TPGS2: variants seen among roughly 807,000 people sequenced by gnomAD.
The protein encoded by TPGS2 is polyglutamylase subunit 2.
Under a neutral mutation model 31.1 loss-of-function variants are expected in TPGS2, and 26 were observed. The ratio of observed to expected loss-of-function variants is 0.84; its 90% CI spans 0.61 to 1.16. The LOEUF (loss-of-function observed/expected upper bound fraction) is 1.16, where lower values mean the gene tolerates loss of function less well. Among genes scored for constraint, TPGS2 ranks in the 50% most tolerant of loss-of-function variants. The pLI is 0.00. For synonymous variants in TPGS2, 130 were observed against 136.6 expected (o/e 0.95, Z 0.34); for missense variants, 351 against 363.8 (o/e 0.96, Z 0.29).
At chr18:36,815,646 CTGTTT>C (rs1423978911) in intron 2 of TPGS2, among the ~76,000 whole-genome samples, 8 of 151,684 alleles carry the variant, frequency 5.3e-5, no homozygotes, top group Non-Finnish European at 1.5e-5. Context: ...ACCTTTTTGA[CTGTTT>C]TGTTTAGCAT....
chr18:36,826,565 A>C (rs565488527), intron 1 of TPGS2, among the ~76,000 whole-genome samples: 1 of 152,300 alleles, frequency 6.6e-6, no homozygotes, highest in African/African-American at 2.4e-5. Context: ...TAGAAACTCC[A>C]GTACAATGTT....
At chr18:36,812,748 G>T (rs1197969153) in intron 2 of TPGS2, among the ~76,000 whole-genome samples, 1 of 152,244 alleles carries the variant, frequency 6.6e-6, no homozygotes, top group African/African-American at 2.4e-5. Flanking sequence ...GGCATTGGAA[G>T]TGAGGGCAGT....
Position 36,828,748 on chromosome 18 carries a change from GA to G in TPGS2, c.19del (p.Ser7ProfsTer14), listed in dbSNP as rs779685788. 3.0e-5 allele frequency: 48 copies of G among 1,613,848 alleles called. No homozygotes were observed. The highest frequency in any genetic ancestry group is 1.8e-4 in the Admixed American group (11 of 60,008). MEEEAS[S>X]PGLGCSKPHL... ...CGGCTTGCTGCAGCCCAGCCCCGGG[GA>G]CGATGCCTCCTCCTCCATGGCTCGC... On this transcript the variant is annotated frameshift_variant, in exon 1 of 7. Transcript: ENST00000334295. LOFTEE classifies it high-confidence loss of function.
Position 36,797,005 on chromosome 18 carries a change from G to A in TPGS2, c.703C>T (p.Leu235Phe). Residue 235 changes from leucine to phenylalanine, a missense_variant, in exon 7 of 7, where the codon CTC becomes TTC. Transcript: ENST00000334295. ...ACAAAGGAGTCGGTCTCTTCTGTGA[G>A]CAGGTTTGTGTTGTAGGTGATAGGT... ...YKPITYNTNL[L>F]TEETDSFVNK... 1.2e-6 allele frequency: 2 copies of A among 1,600,696 alleles called. No individual in the cohort carries two copies. Among genetic ancestry groups the A allele is most frequent in the Non-Finnish European group, 1.7e-6 (2 of 1,176,412 alleles).
chr18:36,820,560 T>C (rs2045852027), intron 1 of TPGS2, among the ~76,000 whole-genome samples: 1 of 152,222 alleles, frequency 6.6e-6, no homozygotes, highest in Admixed American at 6.5e-5. Flanking sequence ...TATAATTCTC[T>C]GTTACAGGAA....
At chr18:36,826,404 CTGTGTGTGTG>C (rs34742069) in intron 1 of TPGS2, among the ~76,000 whole-genome samples, 15 of 146,446 alleles carry the variant, frequency 1.0e-4, no homozygotes, top group South Asian at 6.7e-4. Flanking sequence ...GGTGTATAGG[CTGTGTGTGTG>C]TGTGTGTGTG....
At position 36,795,444 on chromosome 18, in the gene TPGS2, TC is replaced by T. The variant is rs2044484973; in HGVS notation, c.*1360del. Reference sequence around the variant, plus strand: ...TCCTAATTCTCTAACCTCTGGGACTTCAGTACAAAAACTGCAGCCACCCAAA... The same window carrying T: ...TCCTAATTCTCTAACCTCTGGGACTTAGTACAAAAACTGCAGCCACCCAAA... On this transcript the variant is annotated 3_prime_UTR_variant, in exon 7 of 7. Coordinates refer to ENST00000334295, the MANE Select transcript of TPGS2 (RefSeq NM_015476.4). The T allele has an allele frequency of 1.0e-6, 1 of 985,296 alleles. No homozygotes were observed. The highest frequency in any genetic ancestry group is 1.2e-6 in the Non-Finnish European group (1 of 829,962). 61.0% of individuals were successfully genotyped at this position (985,296 alleles called of 1,614,324 possible). A position where few individuals can be genotyped will look rare whatever the true frequency, so the allele number is the denominator to read the frequency against.
At chr18:36,819,342 C>T (rs1350424345) in intron 1 of TPGS2, among the ~76,000 whole-genome samples, 1 of 152,270 alleles carries the variant, frequency 6.6e-6, no homozygotes, top group East Asian at 1.9e-4. Context: ...AGAATAGCAA[C>T]CCATTAACTT....
rs182472852 is a variant in TPGS2, at chr18:36,823,945, A to T, written c.85+4738T>A. On this transcript the variant is annotated intron_variant, in intron 1 of 6. Coordinates refer to ENST00000334295, the MANE Select transcript of TPGS2 (RefSeq NM_015476.4). ...TTTAAAAATAGCTTTACTGAGACAT[A>T]ATTCGCATACCATAATTTATAAAGT... 3 of 765,542 alleles carry T rather than the reference A, an allele frequency of 3.9e-6. No individual in the cohort carries two copies. In the South Asian group the frequency reaches 1.8e-4, roughly 46 times the overall value. The allele number at this position is 765,542 out of a possible 1,614,324, so 47.4% of individuals were successfully genotyped here. A position where few individuals can be genotyped will look rare whatever the true frequency, so the allele number is the denominator to read the frequency against.
chr18:36,814,137 T>C (rs1054211387), intron 2 of TPGS2, among the ~76,000 whole-genome samples: 3 of 152,254 alleles, frequency 2.0e-5, no homozygotes, highest in Non-Finnish European at 4.4e-5. Context: ...CAATCAAGAA[T>C]TGTAAAGCCG....
Position 36,796,880 on chromosome 18 carries a change from G to A in TPGS2, c.828C>T (p.Pro276=). 1 of 1,611,638 alleles carries A rather than the reference G, an allele frequency of 6.2e-7. No homozygotes were observed. The highest frequency in any genetic ancestry group is 8.5e-7 in the Non-Finnish European group (1 of 1,179,198). The stretch of plus-strand genomic sequence containing the variant: ...AAGTGGAGGGACCGGAGGGTCCTGA[G>A]GGCCCTTTCTGGCCACCTGCAGGCT... The part of the protein sequence containing the change: ...PVQPAGGQKG[P]SGPSGPSTSS... Residue 276 remains proline, a synonymous_variant, in exon 7 of 7, where the codon CCC becomes CCT. Transcript: ENST00000334295.
rs555333686 is a variant in TPGS2 at position 36,795,342 on chromosome 18, A to G, written c.*1463T>C. The G allele has an allele frequency of 1.0e-6, 1 of 985,510 alleles. No homozygotes were observed. The highest frequency in any genetic ancestry group is 1.2e-6 in the Non-Finnish European group (1 of 830,032). The allele number at this position is 985,510 out of a possible 1,614,324, so 61.0% of individuals were successfully genotyped here. A position where few individuals can be genotyped will look rare whatever the true frequency, so the allele number is the denominator to read the frequency against. On this transcript the variant is annotated 3_prime_UTR_variant, in exon 7 of 7. Transcript: ENST00000334295. The stretch of plus-strand genomic sequence containing the variant: ...TCTGGCCAATCACCGGGGTAGAGAG[A>G]AGTCAGGAAAGAGAATGAGCCAGCT...
chr18:36,814,582 A>G (rs1475904117), intron 2 of TPGS2, among the ~76,000 whole-genome samples: 1 of 152,194 alleles, frequency 6.6e-6, no homozygotes, highest in Non-Finnish European at 1.5e-5. Flanking sequence ...TATTTTATAC[A>G]TGATGAACAT....
chr18:36,818,034 C>T (rs1158518833), intron 2 of TPGS2, among the ~76,000 whole-genome samples: 4 of 152,164 alleles, frequency 2.6e-5, no homozygotes, highest in Non-Finnish European at 5.9e-5. Flanking sequence ...ACCTATGAAG[C>T]CCTAAATGTC....
At chr18:36,819,864 A>G (rs904804914) in intron 1 of TPGS2, among the ~76,000 whole-genome samples, 1 of 152,252 alleles carries the variant, frequency 6.6e-6, no homozygotes, top group Non-Finnish European at 1.5e-5. Flanking sequence ...GAAGTAGAGT[A>G]GATCCCTAGT....
At chr18:36,826,224 G>T (rs1313678853) in intron 1 of TPGS2, among the ~76,000 whole-genome samples, 1 of 151,854 alleles carries the variant, frequency 6.6e-6, no homozygotes, top group Admixed American at 6.6e-5. Flanking sequence ...TTTCATAAAG[G>T]CTATGTTGCC....
intron 5 of TPGS2, among the ~76,000 whole-genome samples, chr18:36,799,371 C>T (rs981217444): frequency 6.6e-6 from 1 of 152,196 alleles, no homozygotes; most frequent in Non-Finnish European, 1.5e-5. Context: ...AGCCTTCTAG[C>T]TTAATCTCCT....
chr18:36,828,781 G>T lies in TPGS2; in HGVS notation c.-14C>A. On this transcript the variant is annotated 5_prime_UTR_variant, in exon 1 of 7. Coordinates refer to ENST00000334295, the MANE Select transcript of TPGS2 (RefSeq NM_015476.4). ...CTCCTCCTCCATGGCTCGCGACCGC[G>T]ATTCGCGCGCGGCGGGAGCGGGTGG... The T allele has an allele frequency of 1.2e-6, 2 of 1,612,180 alleles. No individual in the cohort carries two copies. Among genetic ancestry groups the T allele is most frequent in the Non-Finnish European group, 1.7e-6 (2 of 1,179,376 alleles).
At chr18:36,799,426 T>A (rs919575565) in intron 5 of TPGS2, among the ~76,000 whole-genome samples, 3 of 152,216 alleles carry the variant, frequency 2.0e-5, no homozygotes, top group African/African-American at 7.2e-5. Flanking sequence ...ATTGGAATTG[T>A]CATTCCCCAC....
Sources: gnomAD v4.1 joint callset for allele counts (sites outside exome capture counted in the v4.1 genomes callset) on GRCh38, gnomAD v4.1.1 for gene constraint, MANE v1.5 for transcripts, NCBI Gene and HGNC (gene_info 2026-07-23, HGNC 2026-07-21) for gene names.